The following RNF11 variants were observed in gnomAD, a reference collection of about 807,000 sequenced individuals.
RNF11 encodes the protein ring finger protein 11.
A neutral mutation model predicts 15.8 loss-of-function variants in RNF11; 4 were observed. The ratio of observed to expected loss-of-function variants is 0.25; its 90% confidence interval spans 0.12 to 0.58. RNF11 has a LOEUF of 0.58. Among genes scored for constraint, RNF11 ranks in the 20% least tolerant of loss-of-function variants. The pLI is 0.91. For missense variants in RNF11, 139 were observed against 194.4 expected, an observed-to-expected ratio of 0.71 and a Z score of 1.70; for synonymous variants, 68 against 72.3, an observed-to-expected ratio of 0.94 and a Z score of 0.30.
intron 1 of RNF11, among the ~76,000 whole-genome samples, chr1:51,267,426 G>T (rs949320127): frequency 1.3e-5 from 2 of 152,140 alleles, no homozygotes; most frequent in African/African-American, 4.8e-5. Flanking sequence ...TCTATGATTT[G>T]TTACAGCAAA....
intron 1 of RNF11, among the ~76,000 whole-genome samples, chr1:51,261,949 G>C (rs1043026817): frequency 2.6e-5 from 4 of 152,092 alleles, no homozygotes; most frequent in Non-Finnish European, 4.4e-5. Context: ...CCGTCTCTCC[G>C]GTTCAAGCGA....
intron 1 of RNF11, among the ~76,000 whole-genome samples, chr1:51,252,546 C>T (rs538643181): frequency 1.3e-5 from 2 of 151,952 alleles, no homozygotes; most frequent in East Asian, 2.0e-4. Context: ...GCCTGGGAGG[C>T]GGAGGTTGCA....
chr1:51,265,054 A>C (rs1042294913), intron 1 of RNF11: 2 of 152,154 alleles, frequency 1.3e-5, no homozygotes, highest in Non-Finnish European at 1.5e-5. Flanking sequence ...AGTGGCTCAC[A>C]CCTGTATCAC....
intron 1 of RNF11, among the ~76,000 whole-genome samples, chr1:51,245,711 A>G (rs1026351168): frequency 2.6e-5 from 4 of 152,114 alleles, no homozygotes; most frequent in Non-Finnish European, 5.9e-5. Flanking sequence ...AGGCCTACCA[A>G]AGTGCTGAGA....
intron 1 of RNF11, among the ~76,000 whole-genome samples, chr1:51,264,319 C>T (rs6694918): frequency 0.016 from 996 of 61,530 alleles, 5 homozygotes; most frequent in Middle Eastern, 0.061. Flanking sequence ...TATATATATA[C>T]ACACACACAC....
intron 1 of RNF11, among the ~76,000 whole-genome samples, chr1:51,239,831 C>T (rs912240064): frequency 6.6e-6 from 1 of 152,154 alleles, no homozygotes; most frequent in African/African-American, 2.4e-5. Context: ...TAAAAGATGT[C>T]ATTGTTTGCT....
At chr1:51,270,874 A>G (rs1172606941) in intron 2 of RNF11, among the ~76,000 whole-genome samples, 1 of 152,236 alleles carries the variant, frequency 6.6e-6, no homozygotes, top group Non-Finnish European at 1.5e-5. Context: ...GTAGCTGTTT[A>G]CAAGCACAGC....
chr1:51,267,748 T>G (rs1277191987), intron 1 of RNF11, among the ~76,000 whole-genome samples: 2 of 152,196 alleles, frequency 1.3e-5, no homozygotes, highest in African/African-American at 4.8e-5. Context: ...TTTTTGTTGT[T>G]AAGATGGAGT....
chr1:51,243,473 C>T (rs1434139792), intron 1 of RNF11, among the ~76,000 whole-genome samples: 3 of 152,148 alleles, frequency 2.0e-5, no homozygotes, highest in Non-Finnish European at 4.4e-5. Context: ...AGTCTTCACT[C>T]TGTTGCCCAG....
At chr1:51,248,239 GCT>G (rs1408691604) in intron 1 of RNF11, among the ~76,000 whole-genome samples, 3 of 140,134 alleles carry the variant, frequency 2.1e-5, no homozygotes, top group African/African-American at 5.4e-5. Flanking sequence ...ATGGAGTCTT[GCT>G]CTGTCACCCT....
Position 51,236,431 on chromosome 1 carries a change from G to A in RNF11, c.-326G>A, listed in dbSNP as rs2148062304. On this transcript the variant is annotated 5_prime_UTR_variant, in exon 1 of 3. It removes the in-frame stop codon of an upstream open reading frame in the 5' UTR. Transcript: ENST00000242719. ...CGCCCCCCCCCGCTGACCTGGATTA[G>A]GCCCAGCAGCTCCGTGGCCGCCGCC... The A allele has an allele frequency of 4.8e-6, 1 of 206,466 alleles. No homozygotes were observed. The highest frequency in any genetic ancestry group is 1.6e-4 in the East Asian group (1 of 6,426). 12.8% of individuals were successfully genotyped at this position (206,466 alleles called of 1,614,324 possible). A position where few individuals can be genotyped will look rare whatever the true frequency, so the allele number is the denominator to read the frequency against.
intron 2 of RNF11, 23 bp downstream of exon 2, chr1:51,270,148 A>C (rs1350299711): frequency 1.3e-6 from 2 of 1,558,196 alleles, no homozygotes; most frequent in Non-Finnish European, 1.7e-6. Context: ...TAATTTGTAC[A>C]TTTCAAAGTT....
chr1:51,238,328 G>A (rs971872415), intron 1 of RNF11, among the ~76,000 whole-genome samples: 1 of 152,136 alleles, frequency 6.6e-6, no homozygotes, highest in Non-Finnish European at 1.5e-5. Context: ...TTTGTTAGAT[G>A]TGTGTCTCAT....
At chr1:51,237,721 G>A (rs1301222938) in intron 1 of RNF11, among the ~76,000 whole-genome samples, 4 of 152,090 alleles carry the variant, frequency 2.6e-5, no homozygotes, top group Admixed American at 2.6e-4. Flanking sequence ...AAATAGGTAT[G>A]TGGATGTTAT....
chr1:51,258,796 C>G (rs1161002956), intron 1 of RNF11, among the ~76,000 whole-genome samples: 1 of 152,180 alleles, frequency 6.6e-6, no homozygotes, highest in African/African-American at 2.4e-5. Context: ...TGCTCTCTGT[C>G]TAACGTTTCT....
chr1:51,246,619 G>A (rs758457889), intron 1 of RNF11, among the ~76,000 whole-genome samples: 4 of 152,196 alleles, frequency 2.6e-5, no homozygotes, highest in Non-Finnish European at 4.4e-5. Flanking sequence ...CGCTTTGGTA[G>A]GCTGAGGCGG....
In RNF11 at chr1:51,271,854, A is replaced by T. The variant is rs1452158972; in HGVS notation, c.*532A>T. The T allele has an allele frequency of 1.3e-5, 2 of 153,006 alleles. No individual in the cohort carries two copies. The highest frequency in any genetic ancestry group is 2.4e-5 in the African/African-American group (1 of 41,422). 9.5% of individuals were successfully genotyped at this position (153,006 alleles called of 1,614,324 possible). A position where few individuals can be genotyped will look rare whatever the true frequency, so the allele number is the denominator to read the frequency against. ...CATTGGAAATGGAATTCATTGCCTT[A>T]GGTCTTTTTAAATAGTGTATTATTA... On this transcript the variant is annotated 3_prime_UTR_variant, in exon 3 of 3. Transcript: ENST00000242719.
chr1:51,252,836 T>TGTGTGTGTGTGTGTGTGTGTGTGTG (rs1646886118), intron 1 of RNF11, among the ~76,000 whole-genome samples: 1 of 151,422 alleles, frequency 6.6e-6, no homozygotes, highest in African/African-American at 2.4e-5. Flanking sequence ...TGTGTGTGTG[T>TGTGTGTGTGTGTGTGTGTGTGTGTG]TTGGGGGGGA....
At chr1:51,257,848 CTTTTCTTTTTTTT>C (rs1308441531) in intron 1 of RNF11, among the ~76,000 whole-genome samples, 1 of 84,930 alleles carries the variant, frequency 1.2e-5, no homozygotes, top group African/African-American at 4.6e-5. Context: ...CTTTTCTTTT[CTTTTCTTTTTTTT>C]TTTTTTTTTT....
Sources: gnomAD v4.1 joint callset for allele counts (sites outside exome capture counted in the v4.1 genomes callset) on GRCh38, gnomAD v4.1.1 for gene constraint, MANE v1.5 for transcripts, NCBI Gene and HGNC (gene_info 2026-07-23, HGNC 2026-07-21) for gene names.